Variants in HCN1 observed in about 807,000 individuals in gnomAD.
HCN1 encodes hyperpolarization activated cyclic nucleotide gated potassium channel 1.
A neutral mutation model predicts 78.9 loss-of-function variants in HCN1; 13 were observed. The observed-to-expected ratio is 0.16, with a 90% CI of 0.11 to 0.26. The LOEUF is 0.26. Ranked by LOEUF, HCN1 falls within the 10% of genes least tolerant of loss-of-function variation. HCN1 has a pLI of 1.00. For synonymous variants in HCN1, 552 were observed against 455.5 expected (o/e 1.21, Z -2.70); for missense variants, 810 against 1,154.3 (o/e 0.70, Z 4.32).
intron 1 of HCN1, among the ~76,000 whole-genome samples, chr5:45,655,618 G>A (rs1217183994): frequency 6.6e-6 from 1 of 152,100 alleles, no homozygotes; most frequent in African/African-American, 2.4e-5. Flanking sequence ...AAGGGGCATA[G>A]GCTATGATGC....
intron 4 of HCN1, among the ~76,000 whole-genome samples, chr5:45,381,359 G>T (rs1193756194): frequency 1.3e-5 from 2 of 151,930 alleles, no homozygotes; most frequent in East Asian, 3.9e-4. Context: ...GGATACATCA[G>T]GGCCAAGTGA....
chr5:45,664,482 A>G (rs1745992761), intron 1 of HCN1, among the ~76,000 whole-genome samples: 1 of 150,392 alleles, frequency 6.6e-6, no homozygotes, highest in Non-Finnish European at 1.5e-5. Flanking sequence ...GAAAAAAAAA[A>G]AAAGAAACTA....
At chr5:45,464,798 T>C (rs186294702) in intron 2 of HCN1, among the ~76,000 whole-genome samples, 41 of 144,122 alleles carry the variant, frequency 2.8e-4, no homozygotes, top group African/African-American at 1.1e-3. Flanking sequence ...CTGAGATTAA[T>C]AGCCCTGTTA....
chr5:45,498,157 C>T (rs1223586201), intron 2 of HCN1, among the ~76,000 whole-genome samples: 1 of 152,186 alleles, frequency 6.6e-6, no homozygotes, highest in African/African-American at 2.4e-5. Context: ...GGGAAGTTCT[C>T]CTGGATAATG....
At chr5:45,426,315 C>T (rs1740346043) in intron 3 of HCN1, among the ~76,000 whole-genome samples, 1 of 152,132 alleles carries the variant, frequency 6.6e-6, no homozygotes, top group African/African-American at 2.4e-5. Flanking sequence ...TCTCTCTTTT[C>T]TTCATGGGAG....
At chr5:45,321,949 G>A (rs1365964826) in intron 5 of HCN1, among the ~76,000 whole-genome samples, 1 of 151,736 alleles carries the variant, frequency 6.6e-6, no homozygotes, top group African/African-American at 2.4e-5. Flanking sequence ...TATATGTCAG[G>A]TAAATAAGAA....
At chr5:45,424,041 C>T (rs1368701879) in intron 3 of HCN1, among the ~76,000 whole-genome samples, 1 of 147,306 alleles carries the variant, frequency 6.8e-6, no homozygotes, top group Non-Finnish European at 1.5e-5. Context: ...TTTGGGAGGC[C>T]GAGGAGGGCG....
chr5:45,544,139 T>C (rs1172943721), intron 2 of HCN1, among the ~76,000 whole-genome samples: 4 of 152,090 alleles, frequency 2.6e-5, no homozygotes, highest in Admixed American at 6.6e-5. Flanking sequence ...AGGAATAAAA[T>C]GTATTGGTAC....
At chr5:45,580,294 G>A (rs994141084) in intron 2 of HCN1, among the ~76,000 whole-genome samples, 5 of 152,056 alleles carry the variant, frequency 3.3e-5, no homozygotes, top group Admixed American at 2.0e-4. Context: ...GGCAGAAGAG[G>A]AGAATCAGAA....
chr5:45,367,966 A>G (rs1269054307), intron 4 of HCN1, among the ~76,000 whole-genome samples: 1 of 151,962 alleles, frequency 6.6e-6, no homozygotes, highest in Non-Finnish European at 1.5e-5. Flanking sequence ...TGCAAAGTAA[A>G]GAAGTGAAAT....
At chr5:45,329,117 A>C (rs1181758599) in intron 5 of HCN1, among the ~76,000 whole-genome samples, 3 of 151,602 alleles carry the variant, frequency 2.0e-5, no homozygotes, top group African/African-American at 7.3e-5. Context: ...AAACTGTTTA[A>C]ATATATGTAA....
intron 4 of HCN1, among the ~76,000 whole-genome samples, chr5:45,374,025 A>T (rs1475189764): frequency 9.0e-6 from 1 of 110,786 alleles, no homozygotes; most frequent in Non-Finnish European, 1.7e-5. Flanking sequence ...TATATTATAT[A>T]TATTATATAC....
At chr5:45,610,062 A>T (rs1744803831) in intron 2 of HCN1, among the ~76,000 whole-genome samples, 1 of 152,200 alleles carries the variant, frequency 6.6e-6, no homozygotes. Flanking sequence ...TCATGAACAC[A>T]GTTTAAATAA....
At chr5:45,691,339 T>C (rs1283570099) in intron 1 of HCN1, among the ~76,000 whole-genome samples, 1 of 152,016 alleles carries the variant, frequency 6.6e-6, no homozygotes, top group Non-Finnish European at 1.5e-5. Context: ...CAGAAAAAAA[T>C]GAAAACTATC....
intron 2 of HCN1, among the ~76,000 whole-genome samples, chr5:45,514,489 C>A (rs1386957170): frequency 1.3e-5 from 2 of 152,066 alleles, no homozygotes; most frequent in African/African-American, 4.8e-5. Context: ...AAAATTAAGA[C>A]CAAATTTCTT....
chr5:45,304,453 G>A (rs993897328), intron 5 of HCN1, among the ~76,000 whole-genome samples: 21 of 152,004 alleles, frequency 1.4e-4, no homozygotes, highest in Non-Finnish European at 7.4e-5. Flanking sequence ...CAAGGCGGGT[G>A]GATCACGAGG....
chr5:45,344,140 G>T (rs796249529), intron 5 of HCN1, among the ~76,000 whole-genome samples: 2 of 152,222 alleles, frequency 1.3e-5, no homozygotes, highest in African/African-American at 2.4e-5. Context: ...GCAAGGAGAA[G>T]TGATGAGCAA....
In HCN1 at chr5:45,257,603, A is replaced by G. The variant is rs747947995; in HGVS notation, c.*4318T>C. ...CCCTGTCAAAGCCTGAATTGGAAGC[A>G]GGGTCAGCATTAGGGTGAGACAAGA... On this transcript the variant is annotated 3_prime_UTR_variant, in exon 8 of 8. Transcript: ENST00000303230. The G allele has an allele frequency of 6.6e-6, 1 of 152,194 alleles. No homozygotes were observed. Among genetic ancestry groups the G allele is most frequent in the Non-Finnish European group, 1.5e-5 (1 of 68,020 alleles). The allele number at this position is 152,194 out of a possible 1,614,324, so 9.4% of individuals were successfully genotyped here.
chr5:45,265,782 A>G (rs919280577), intron 7 of HCN1, among the ~76,000 whole-genome samples: 2 of 152,088 alleles, frequency 1.3e-5, no homozygotes, highest in African/African-American at 2.4e-5. Context: ...ACAAATATTC[A>G]TTGTATACTA....
Sources: allele counts gnomAD v4.1 joint callset (sites outside exome capture counted in the v4.1 genomes callset), GRCh38; gene constraint gnomAD v4.1.1; transcripts MANE v1.5; gene names NCBI Gene and HGNC (gene_info 2026-07-23, HGNC 2026-07-21).